Variants in PCSK5 observed in about 807,000 individuals in gnomAD.
The protein encoded by PCSK5 is proprotein convertase subtilisin/kexin type 5, also known as prohormone convertase 5.
Under a neutral mutation model 233.2 loss-of-function variants are expected in PCSK5, and 129 were observed. The ratio of observed to expected loss-of-function variants is 0.55; its 90% CI spans 0.48 to 0.64. The LOEUF (loss-of-function observed/expected upper bound fraction) is 0.64. Ranked by LOEUF, PCSK5 falls within the 30% of genes least tolerant of loss-of-function variation. The pLI, the probability that PCSK5 is intolerant of heterozygous loss-of-function variation, is 0.00. For missense variants in PCSK5, 2,076 were observed against 2,430.1 expected, an observed-to-expected ratio of 0.85 and a Z score of 3.06; for synonymous variants, 825 against 879.2, an observed-to-expected ratio of 0.94 and a Z score of 1.09.
intron 14 of PCSK5, 162 bp downstream of exon 14, chr9:76,175,291 C>CGAATAGAATA (rs55947300): frequency 0.03 from 15,881 of 522,838 alleles, 357 homozygotes; most frequent in Non-Finnish European, 0.038. Flanking sequence ...CGAATCGAAT[C>CGAATAGAATA]GAATAGAATA....
Position 76,189,110 on chromosome 9 carries a change from G to T in PCSK5, c.2397G>T (p.Gly799=), listed in dbSNP as rs745835121. 4 of 1,613,460 alleles carry T rather than the reference G, an allele frequency of 2.5e-6. No homozygotes were observed. The South Asian group carries it at 3.3e-5, about 13-fold the overall frequency. Residue 799 remains glycine (G), a synonymous_variant, in exon 19 of 38, where the codon GGG becomes GGT. Transcript: ENST00000674117. The part of the protein sequence containing the change: ...CATCAGAGAD[G]CINCTEGYFM... Reference sequence around the variant, plus strand: ...GCTTTTAAGGGGCAGGAGCTGATGGGTGCATTAACTGCACAGAGGGCTACT... The same window carrying T: ...GCTTTTAAGGGGCAGGAGCTGATGGTTGCATTAACTGCACAGAGGGCTACT...
At chr9:76,025,657 G>A (rs1218869113) in intron 4 of PCSK5, among the ~76,000 whole-genome samples, 2 of 152,136 alleles carry the variant, frequency 1.3e-5, no homozygotes, top group Non-Finnish European at 2.9e-5. Context: ...CCAAATTGTT[G>A]TAGTGACCCC....
In PCSK5 at chr9:76,320,833, T is replaced by A. The variant is rs567749653; in HGVS notation, c.3885-589T>A. On this transcript the variant is annotated intron_variant, in intron 30 of 37. Transcript: ENST00000674117. ...GTTTTTGGTTTTGTTTTTTTTTTTT[T>A]AAGACAGAGTCTCACTCTGTCACCA... Among the ~76,000 whole-genome samples the A allele has an allele frequency of 1.8e-4, 26 of 145,828 alleles. No individual in the cohort carries two copies. In the East Asian group the frequency reaches 5.2e-3, roughly 29 times the overall value.
intron 1 of PCSK5, among the ~76,000 whole-genome samples, chr9:75,906,750 C>T (rs549765083): frequency 6.6e-6 from 1 of 152,144 alleles, no homozygotes; most frequent in Non-Finnish European, 1.5e-5. Context: ...CCAGTAGCTC[C>T]CATTTGCCTA....
intron 24 of PCSK5, among the ~76,000 whole-genome samples, chr9:76,248,916 A>G (rs1826705461): frequency 6.6e-6 from 1 of 152,134 alleles, no homozygotes; most frequent in African/African-American, 2.4e-5. Flanking sequence ...ACAGGCATGC[A>G]CTATTAGCCT....
At chr9:76,120,683 GT>G (rs34304669) in intron 9 of PCSK5, among the ~76,000 whole-genome samples, 56 of 150,010 alleles carry the variant, frequency 3.7e-4, no homozygotes, top group African/African-American at 1.2e-3. Context: ...TGATTTTCTT[GT>G]TTTTTTTTCC....
At chr9:76,320,465 CTTTT>C (rs140154837) in intron 30 of PCSK5, among the ~76,000 whole-genome samples, 18,910 of 102,018 alleles carry the variant, frequency 0.19, 2,037 homozygotes, top group African/African-American at 0.26. Context: ...TACATTGTAG[CTTTT>C]TTTTTTTTTT....
intron 30 of PCSK5, among the ~76,000 whole-genome samples, chr9:76,314,475 G>A (rs1828961229): frequency 6.6e-6 from 1 of 152,170 alleles, no homozygotes; most frequent in East Asian, 1.9e-4. Flanking sequence ...TGCTGTTTCT[G>A]AGAAATCACC....
At chr9:76,215,606 G>T (rs938118026) in intron 20 of PCSK5, among the ~76,000 whole-genome samples, 8 of 152,130 alleles carry the variant, frequency 5.3e-5, no homozygotes, top group African/African-American at 1.9e-4. Context: ...CTGAGGGCCT[G>T]CTTGGGGTGG....
chr9:75,897,489 C>CTTTTTTTTTTT (rs58504698), intron 1 of PCSK5, among the ~76,000 whole-genome samples: 25 of 119,482 alleles, frequency 2.1e-4, no homozygotes, highest in Non-Finnish European at 2.6e-4. Flanking sequence ...TCTTTCTTTT[C>CTTTTTTTTTTT]TTTTTTTTTT....
chr9:76,281,786 C>A (rs536891736), intron 24 of PCSK5, among the ~76,000 whole-genome samples: 1 of 152,270 alleles, frequency 6.6e-6, no homozygotes, highest in South Asian at 2.1e-4. Flanking sequence ...GTTTCTAGAA[C>A]TACAGGTGTA....
chr9:76,227,533 A>T lies in PCSK5; in HGVS notation c.2657A>T (p.Gln886Leu). ...TATGTTGATGAGCATGGCCACTGCC[A>T]GACCTGTGAGGCCTCATGTGCCAAG... is the stretch of plus-strand genomic sequence containing the variant. ...GEYVDEHGHC[Q>L]TCEASCAKCQ... The change falls in exon 21 of 38, where the codon CAG (glutamine) becomes CTG (leucine). Residue 886 changes from glutamine to leucine, a missense_variant. By Grantham distance (113) the Gln-to-Leu change is moderately radical. Coordinates refer to ENST00000674117, the MANE Select transcript of PCSK5 (RefSeq NM_001372043.1). 6.2e-7 allele frequency: 1 copy of T among 1,612,118 alleles called. No homozygotes were observed. Among genetic ancestry groups the T allele is most frequent in the Non-Finnish European group, 8.5e-7 (1 of 1,179,502 alleles).
chr9:76,177,607 A>G (rs1564083501), intron 14 of PCSK5, among the ~76,000 whole-genome samples: 1 of 152,228 alleles, frequency 6.6e-6, no homozygotes, highest in Non-Finnish European at 1.5e-5. Context: ...CTAGCAAACT[A>G]TTTTGTCTTC....
intron 2 of PCSK5, among the ~76,000 whole-genome samples, chr9:75,945,716 A>G: frequency 6.6e-6 from 1 of 152,058 alleles, no homozygotes; most frequent in Non-Finnish European, 1.5e-5. Context: ...AGTCTTTGAC[A>G]CACCTCCTTT....
intron 9 of PCSK5, among the ~76,000 whole-genome samples, chr9:76,126,772 T>C (rs1042888008): frequency 1.3e-5 from 2 of 151,944 alleles, no homozygotes; most frequent in African/African-American, 2.4e-5. Flanking sequence ...TGATGGACAA[T>C]GGAGGATGAG....
rs1170820298 is a variant in PCSK5 at position 76,023,891 on chromosome 9, TGCTGTGGTTAGAA to T, written c.555+12_555+24del. ...TCTGATGCAAAACTACGTGAGTGTA[TGCTGTGGTTAGAA>T]GGTCTTTCCTTCTGGGAAACAGAGA... is the stretch of plus-strand genomic sequence containing the variant. On this transcript the variant is annotated intron_variant, in intron 4 of 37. Coordinates refer to ENST00000674117, the MANE Select transcript of PCSK5 (RefSeq NM_001372043.1). 1.2e-6 allele frequency: 2 copies of T among 1,600,140 alleles called. No homozygotes were observed. The highest frequency in any genetic ancestry group is 4.5e-5 in the East Asian group (2 of 44,670).
chr9:75,901,131 A>G (rs1439507584), intron 1 of PCSK5, among the ~76,000 whole-genome samples: 2 of 152,200 alleles, frequency 1.3e-5, no homozygotes, highest in Non-Finnish European at 1.5e-5. Flanking sequence ...CAGTCACTTA[A>G]AAGGATTATA....
chr9:76,294,469 C>T (rs1457187760), intron 25 of PCSK5, among the ~76,000 whole-genome samples: 1 of 152,120 alleles, frequency 6.6e-6, no homozygotes, highest in Admixed American at 6.6e-5. Context: ...TGCCTGGACT[C>T]GACACCAAGC....
At chr9:76,225,937 G>T (rs1350608445) in intron 20 of PCSK5, among the ~76,000 whole-genome samples, 2 of 152,190 alleles carry the variant, frequency 1.3e-5, no homozygotes, top group African/African-American at 4.8e-5. Context: ...CTTGTGCAGT[G>T]AACAACCTGC....
Sources: allele counts gnomAD v4.1 joint callset (sites outside exome capture counted in the v4.1 genomes callset), GRCh38; gene constraint gnomAD v4.1.1; transcripts MANE v1.5; gene names NCBI Gene and HGNC (gene_info 2026-07-23, HGNC 2026-07-21).